ADGRL2: variants seen among roughly 807,000 people sequenced by gnomAD.
ADGRL2 encodes the protein adhesion G protein-coupled receptor L2, also known as calcium-independent alpha-latrotoxin receptor 2.
A neutral mutation model predicts 157.4 loss-of-function variants in ADGRL2; 44 were observed. The ratio of observed to expected loss-of-function variants is 0.28; its 90% CI spans 0.22 to 0.36. The LOEUF (loss-of-function observed/expected upper bound fraction) is 0.36, where lower values mean the gene tolerates loss of function less well. ADGRL2 is among the 10% of genes least tolerant of loss of function. The pLI is 1.00. For synonymous variants in ADGRL2, 585 were observed against 624.7 expected (o/e 0.94, Z 0.95); for missense variants, 1,510 against 1,768.9 (o/e 0.85, Z 2.63).
intron 5 of ADGRL2, 179 bp from the exon 6 acceptor site, chr1:81,942,790 G>A: frequency 1.5e-6 from 1 of 675,758 alleles, no homozygotes; most frequent in East Asian, 2.7e-5. Flanking sequence ...TTTGTACCCT[G>A]ATACACTGAT....
In ADGRL2 at chr1:81,872,384, T is replaced by C. The variant is rs371926961; in HGVS notation, c.74-34633T>C. Among the ~76,000 whole-genome samples the C allele has an allele frequency of 1.2e-3, 187 of 152,288 alleles. 2 individuals are homozygous for C. The highest frequency in any genetic ancestry group is 4.4e-3 in the African/African-American group (181 of 41,586). On this transcript the variant is annotated intron_variant, in intron 2 of 23. Coordinates refer to ENST00000686636, the MANE Select transcript of ADGRL2 (RefSeq NM_001366006.2). ...TAGCGTGATGCCTCCAGCTTTGTTC[T>C]TTTGGCTTAGGATTGAAGACACTGT... is the stretch of plus-strand genomic sequence containing the variant.
At chr1:81,393,894 G>A (rs1053965187) in intron 1 of ADGRL2, among the ~76,000 whole-genome samples, 1 of 145,190 alleles carries the variant, frequency 6.9e-6, no homozygotes, top group South Asian at 2.1e-4. Context: ...GAATATGAAA[G>A]TATTAACATA....
intron 1 of ADGRL2, among the ~76,000 whole-genome samples, chr1:81,407,263 A>G (rs565093562): frequency 4.6e-5 from 7 of 152,344 alleles, no homozygotes; most frequent in Non-Finnish European, 8.8e-5. Flanking sequence ...CCCATTGCCA[A>G]TGAAAACCAG....
At chr1:81,813,508 A>C (rs1231306998) in intron 1 of ADGRL2, among the ~76,000 whole-genome samples, 5 of 151,628 alleles carry the variant, frequency 3.3e-5, no homozygotes, top group African/African-American at 1.2e-4. Flanking sequence ...TTTTATAAGT[A>C]GTATTCTCTC....
At chr1:81,930,628 A>G (rs1201366519) in intron 3 of ADGRL2, among the ~76,000 whole-genome samples, 1 of 152,190 alleles carries the variant, frequency 6.6e-6, no homozygotes, top group East Asian at 1.9e-4. Context: ...AATATCACCA[A>G]CTTTAAATAC....
At chr1:81,426,382 T>C in intron 1 of ADGRL2, 1 of 297,480 alleles carries the variant, frequency 3.4e-6, no homozygotes, top group Non-Finnish European at 6.5e-6. Flanking sequence ...CTTCTATGGT[T>C]TTCTCAATTT....
At chr1:81,935,289 T>C (rs1416876623) in intron 3 of ADGRL2, among the ~76,000 whole-genome samples, 1 of 152,034 alleles carries the variant, frequency 6.6e-6, no homozygotes, top group African/African-American at 2.4e-5. Flanking sequence ...TCTTGAAAAT[T>C]ACAGTATATG....
At chr1:81,693,756 G>A (rs2083388454) in intron 3 of ADGRL2, among the ~76,000 whole-genome samples, 1 of 152,192 alleles carries the variant, frequency 6.6e-6, no homozygotes, top group African/African-American at 2.4e-5. Flanking sequence ...AAAGTCCAGA[G>A]AAGACAATAC....
Position 81,723,128 on chromosome 1 carries a change from G to A in ADGRL2, c.-143+23320G>A, listed in dbSNP as rs544546678. On this transcript the variant is annotated intron_variant, in intron 1 of 20. Coordinates refer to the ADGRL2 transcript ENST00000359929. ...GGAAAAGCAACCTAGATTACCTTAT[G>A]GATGTCGCAATAATACAAACCAGTG... The A allele has an allele frequency of 2.8e-5, 18 of 653,036 alleles. No individual in the cohort carries two copies. In the African/African-American group the frequency reaches 2.9e-4, roughly 10 times the overall value. The allele number at this position is 653,036 out of a possible 1,614,324, so 40.5% of individuals were successfully genotyped here.
intron 1 of ADGRL2, among the ~76,000 whole-genome samples, chr1:81,825,657 C>CA (rs71085375): frequency 0.16 from 14,192 of 86,550 alleles, 1,742 homozygotes; most frequent in African/African-American, 0.27. Flanking sequence ...ACCCTGTCTC[C>CA]AAAAAAAAAA....
rs568830114 is a variant in ADGRL2, at chr1:81,795,120, G to A, written c.-101+33268G>A. On this transcript the variant is annotated intron_variant, in intron 2 of 20. Transcript: ENST00000359929. The stretch of plus-strand genomic sequence containing the variant: ...TCAGAAATGAAACAGGTCCAGGAGC[G>A]ATGGTCCGTGGCTGTAATCTCAGAA... Among the ~76,000 whole-genome samples the A allele has an allele frequency of 1.8e-4, 27 of 152,246 alleles. No individual in the cohort carries two copies. The South Asian group carries it at 5.2e-3, about 29-fold the overall frequency.
At chr1:81,707,771 C>T (rs564751443) in intron 1 of ADGRL2, among the ~76,000 whole-genome samples, 10 of 152,044 alleles carry the variant, frequency 6.6e-5, no homozygotes, top group South Asian at 2.1e-4. Flanking sequence ...TTGCCCTATT[C>T]GAATACTTTT....
chr1:81,632,754 CAAAA>C (rs34612206), intron 3 of ADGRL2, among the ~76,000 whole-genome samples: 3 of 112,146 alleles, frequency 2.7e-5, no homozygotes, highest in Non-Finnish European at 2.0e-5. Context: ...GACTCCGTCT[CAAAA>C]AAAAAAAAAA....
chr1:81,310,290 G>T (rs976253153), intron 1 of ADGRL2, among the ~76,000 whole-genome samples: 1 of 152,096 alleles, frequency 6.6e-6, no homozygotes, highest in Non-Finnish European at 1.5e-5. Context: ...CTGTCTATTT[G>T]GGATAGCCTT....
At chr1:81,464,840 A>G (rs2078019386) in intron 2 of ADGRL2, among the ~76,000 whole-genome samples, 1 of 151,912 alleles carries the variant, frequency 6.6e-6, no homozygotes, top group Non-Finnish European at 1.5e-5. Flanking sequence ...TTTCTTTTGC[A>G]ATATCCGTGA....
Position 81,491,062 on chromosome 1 carries a change from C to G in ADGRL2, c.-248+45973C>G, listed in dbSNP as rs76623019. Reference sequence around the variant, plus strand: ...TTCCCTAGTTGTGATAAAATGTTTCCAGTAACCATTAAATGTCGCCTTGGG... The same window carrying G: ...TTCCCTAGTTGTGATAAAATGTTTCGAGTAACCATTAAATGTCGCCTTGGG... On this transcript the variant is annotated intron_variant, in intron 2 of 24. Coordinates refer to the ADGRL2 transcript ENST00000370721. Among the ~76,000 whole-genome samples, 1,384 of 152,226 alleles carry G rather than the reference C, an allele frequency of 9.1e-3. 20 individuals carry two copies. The highest frequency in any genetic ancestry group is 0.031 in the African/African-American group (1,293 of 41,550).
intron 1 of ADGRL2, among the ~76,000 whole-genome samples, chr1:81,352,963 T>C (rs1218416765): frequency 1.3e-5 from 2 of 152,076 alleles, no homozygotes; most frequent in East Asian, 3.9e-4. Context: ...TTCAAAGAGA[T>C]GATAGTTTTG....
chr1:81,783,722 G>A (rs536542865), intron 2 of ADGRL2, among the ~76,000 whole-genome samples: 5 of 152,026 alleles, frequency 3.3e-5, no homozygotes, highest in Non-Finnish European at 2.9e-5. Context: ...AAAATTCTTT[G>A]CTATAATACA....
At chr1:81,714,043 C>G (rs978273513) in intron 1 of ADGRL2, among the ~76,000 whole-genome samples, 2 of 152,100 alleles carry the variant, frequency 1.3e-5, no homozygotes, top group African/African-American at 4.8e-5. Flanking sequence ...GGGAACTGCC[C>G]TTTATAAAAC....
Sources: gnomAD v4.1 joint callset for allele counts (sites outside exome capture counted in the v4.1 genomes callset) on GRCh38, gnomAD v4.1.1 for gene constraint, MANE v1.5 for transcripts, NCBI Gene and HGNC (gene_info 2026-07-23, HGNC 2026-07-21) for gene names.